Variants in NBPF9 observed in about 807,000 individuals in gnomAD.
NBPF9 encodes NBPF member 9.
Under a neutral mutation model 97.8 loss-of-function variants are expected in NBPF9, and 91 were observed. The observed-to-expected ratio is 0.93, with a 90% CI of 0.79 to 1.11. The LOEUF (loss-of-function observed/expected upper bound fraction) is 1.11, where lower values mean the gene tolerates loss of function less well. NBPF9 is among the 50% of genes least tolerant of loss of function. The probability of loss-of-function intolerance (pLI) is 0.00; values close to 1 mark genes in which losing one functional copy is unlikely to be tolerated. For missense variants in NBPF9, 992 were observed against 939.5 expected, an observed-to-expected ratio of 1.06 and a Z score of -0.73; for synonymous variants, 334 against 359.5, an observed-to-expected ratio of 0.93 and a Z score of 0.80.
chr1:149,087,332 T>TATAC (rs1296233530), intron 5 of NBPF9, among the ~76,000 whole-genome samples: 139 of 147,104 alleles, frequency 9.4e-4, no homozygotes, highest in Middle Eastern at 3.6e-3. Flanking sequence ...TATATATATA[T>TATAC]ACACACACAC....
At chr1:149,096,972 A>G (rs2081804017) in intron 4 of NBPF9, among the ~76,000 whole-genome samples, 3 of 149,350 alleles carry the variant, frequency 2.0e-5, no homozygotes, top group Non-Finnish European at 1.5e-5. Context: ...TCTATTTAAA[A>G]AAGTAGAACA....
intron 5 of NBPF9, among the ~76,000 whole-genome samples, chr1:149,089,781 T>C (rs2081296638): frequency 6.6e-6 from 1 of 152,304 alleles, no homozygotes; most frequent in Non-Finnish European, 1.5e-5. Flanking sequence ...ATTTCATGCC[T>C]TTCTAATTTG....
chr1:149,056,059 G>A (rs879979777), intron 29 of NBPF9, among the ~76,000 whole-genome samples, 160 bp from the exon 30 acceptor site: 3 of 151,944 alleles, frequency 2.0e-5, no homozygotes, highest in South Asian at 4.2e-4. Context: ...TGTTGGGATA[G>A]AACAGGGCCA....
chr1:149,086,099 GGCTATA>G (rs1186881659), intron 5 of NBPF9, among the ~76,000 whole-genome samples: 2 of 151,504 alleles, frequency 1.3e-5, no homozygotes, highest in African/African-American at 4.9e-5. Flanking sequence ...TCCTTCGTGT[GGCTATA>G]CCATGTATGT....
At chr1:149,090,773 T>C (rs1197787620) in exon 5 of NBPF9, 7 of 547,932 alleles carry the variant, frequency 1.3e-5, no homozygotes, top group Non-Finnish European at 1.3e-5. Context: ...AGGCTCACAT[T>C]TGATCCCAAC....
At chr1:149,062,304 A>G in intron 21 of NBPF9, 39 bp from the exon 22 acceptor site, 1 of 627,484 alleles carries the variant, frequency 1.6e-6, no homozygotes, top group South Asian at 1.9e-5. Flanking sequence ...AGCCAGGGGG[A>G]ATCAGAAACC....
exon 30 of NBPF9, chr1:149,054,604 T>C (rs2078090964): frequency 3.4e-5 from 5 of 148,090 alleles, no homozygotes; most frequent in African/African-American, 9.9e-5. Flanking sequence ...ATGAAGACAT[T>C]TTCAGACAAC....
chr1:149,103,406 C>T (rs1343035691), exon 1 of NBPF9: 2 of 152,338 alleles, frequency 1.3e-5, no homozygotes, highest in African/African-American at 2.4e-5. Flanking sequence ...TCGCCCGTCC[C>T]GCGTTCCCAA....
intron 7 of NBPF9, among the ~76,000 whole-genome samples, chr1:149,080,971 G>T (rs2080381503): frequency 6.6e-6 from 1 of 151,444 alleles, no homozygotes; most frequent in Non-Finnish European, 1.5e-5. Context: ...ACAGGCTGAG[G>T]GTCCCTGCTT....
At chr1:149,085,955 C>T (rs1553658336) in intron 5 of NBPF9, among the ~76,000 whole-genome samples, 4 of 151,308 alleles carry the variant, frequency 2.6e-5, no homozygotes, top group African/African-American at 9.7e-5. Context: ...GCCACTGTCA[C>T]TTCAGGTCCG....
exon 30 of NBPF9, chr1:149,055,842 A>C: frequency 1.9e-6 from 3 of 1,606,252 alleles, no homozygotes; most frequent in Non-Finnish European, 2.5e-6. Flanking sequence ...AATAACATCC[A>C]TCCAGTGAGT....
exon 30 of NBPF9, chr1:149,054,726 A>T (rs1432316446): frequency 1.3e-5 from 2 of 150,348 alleles, no homozygotes; most frequent in African/African-American, 4.8e-5. Context: ...GGGGTTCAAA[A>T]TAACTAAAGA....
At chr1:149,055,444 A>C (rs1455006997) in exon 30 of NBPF9, 7 of 790,626 alleles carry the variant, frequency 8.9e-6, no homozygotes, top group Non-Finnish European at 8.0e-6. Flanking sequence ...TGTGCTGCAC[A>C]GTTATGTGAA....
exon 17 of NBPF9, chr1:149,069,636 C>T (rs782743367): frequency 4.0e-6 from 3 of 758,990 alleles, no homozygotes; most frequent in Non-Finnish European, 7.2e-6. Flanking sequence ...CTCATCATCA[C>T]TTTCATTTTC....
intron 5 of NBPF9, among the ~76,000 whole-genome samples, chr1:149,086,122 T>A: frequency 6.6e-6 from 1 of 151,682 alleles, no homozygotes; most frequent in Middle Eastern, 3.4e-3. Flanking sequence ...ATGTTTGTAC[T>A]TTCACTTATT....
chr1:149,098,674 C>T lies in NBPF9; in HGVS notation c.-573G>A, dbSNP rs1213949915. The stretch of plus-strand genomic sequence containing the variant: ...GAGCCTGGGTCACCAGGAACCTTCG[C>T]CTGCATCTAAACAGGATTTGCTTTC... On this transcript the variant is annotated 5_prime_UTR_variant, in exon 4 of 30. Transcript: ENST00000584027. 1.1e-5 allele frequency: 9 copies of T among 807,658 alleles called. No individual in the cohort carries two copies. In the African/African-American group the frequency reaches 1.7e-4, roughly 15 times the overall value. 50.0% of individuals were successfully genotyped at this position (807,658 alleles called of 1,614,324 possible).
At chr1:149,069,227 CA>C (rs1180268540) in intron 17 of NBPF9, among the ~76,000 whole-genome samples, 2 of 150,506 alleles carry the variant, frequency 1.3e-5, no homozygotes, top group Non-Finnish European at 3.0e-5. Context: ...AGAAGCAAAG[CA>C]AACAAATTCA....
chr1:149,089,578 C>A (rs2081279747), intron 5 of NBPF9, among the ~76,000 whole-genome samples: 1 of 152,288 alleles, frequency 6.6e-6, no homozygotes, highest in Admixed American at 6.5e-5. Context: ...GAGAGTGGAT[C>A]TGTGGGAAGG....
At chr1:149,065,618 A>C in exon 18 of NBPF9, 3 of 1,603,594 alleles carry the variant, frequency 1.9e-6, no homozygotes, top group Non-Finnish European at 2.5e-6. Flanking sequence ...TTCAGGAGGA[A>C]TTGAGGGAGT....
Sources: gnomAD v4.1 joint callset for allele counts (sites outside exome capture counted in the v4.1 genomes callset) on GRCh38, gnomAD v4.1.1 for gene constraint, MANE v1.5 for transcripts, NCBI Gene and HGNC (gene_info 2026-07-23, HGNC 2026-07-21) for gene names.